CACNA1B: variants seen among roughly 807,000 people sequenced by gnomAD.
CACNA1B encodes calcium voltage-gated channel subunit alpha1 B.
Under a neutral mutation model 247.2 loss-of-function variants are expected in CACNA1B, and 70 were observed. That is an observed-to-expected ratio of 0.28 (90% CI 0.23 to 0.35). CACNA1B has a LOEUF of 0.35. Among genes scored for constraint, CACNA1B ranks in the 10% least tolerant of loss-of-function variants. CACNA1B has a pLI of 1.00. For synonymous variants in CACNA1B, 1,231 were observed against 1,294.4 expected, an observed-to-expected ratio of 0.95 and a Z score of 1.05; for missense variants, 2,367 against 3,197.4, an observed-to-expected ratio of 0.74 and a Z score of 6.26.
Position 137,881,655 on chromosome 9 carries a change from G to C in CACNA1B, c.391-1089G>C, listed in dbSNP as rs1358609485. Among the ~76,000 whole-genome samples the C allele has an allele frequency of 1.3e-5, 2 of 152,178 alleles. No homozygotes were observed. Among genetic ancestry groups the C allele is most frequent in the Admixed American group, 1.3e-4 (2 of 15,284 alleles). ...TGCAGCTCCCTCAGCCCAGCTTCCC[G>C]GGCTTGCCTTGCACAGGGCCTTTCC... On this transcript the variant is annotated intron_variant, in intron 2 of 46. Transcript: ENST00000371372. This position sits in a 1 kb window ranked among gnomAD's most constrained non-coding sequence, Gnocchi z 4.3.
At chr9:138,074,675 G>C (rs545754596) in intron 34 of CACNA1B, among the ~76,000 whole-genome samples, 1 of 152,264 alleles carries the variant, frequency 6.6e-6, no homozygotes, top group Non-Finnish European at 1.5e-5. Context: ...TCAACAGGTG[G>C]ATGCACCGTG....
At chr9:137,930,852 C>T (rs1274669113) in intron 6 of CACNA1B, among the ~76,000 whole-genome samples, 4 of 151,762 alleles carry the variant, frequency 2.6e-5, no homozygotes, top group Admixed American at 6.6e-5. Flanking sequence ...CCCTGTGTCT[C>T]GGGTAATTTT....
Position 137,888,306 on chromosome 9 carries a change from C to T in CACNA1B, c.530+5423C>T, listed in dbSNP as rs1400096781. 6.6e-6 allele frequency among the ~76,000 whole-genome samples: 1 copy of T among 151,874 alleles called. No homozygotes were observed. The highest frequency in any genetic ancestry group is 6.5e-5 in the Admixed American group (1 of 15,274). On this transcript the variant is annotated intron_variant, in intron 3 of 46. Coordinates refer to ENST00000371372, the MANE Select transcript of CACNA1B (RefSeq NM_000718.4). The surrounding 1 kb of genome is among the most constrained non-coding windows in gnomAD (Gnocchi z 4.7). ...CCCTTCCGTGCCCCAGCCAGTCTCA[C>T]GTGCATCCACGCTCCCAGTCCTGTC... is the stretch of plus-strand genomic sequence containing the variant.
intron 3 of CACNA1B, among the ~76,000 whole-genome samples, chr9:137,897,528 C>T (rs537754356): frequency 3.3e-5 from 5 of 152,062 alleles, no homozygotes; most frequent in South Asian, 2.1e-4. Context: ...TGCGATGAGC[C>T]GAGATCGTGC....
rs201551065 is a variant in CACNA1B, at chr9:137,984,264, G to A, written c.1769+14G>A. The A allele has an allele frequency of 1.1e-5, 17 of 1,539,262 alleles. No homozygotes were observed. The South Asian group carries it at 1.2e-4, about 11-fold the overall frequency. On this transcript the variant is annotated intron_variant, in intron 13 of 46. Transcript: ENST00000371372. ...CAAAGTCACGAAGTACGTCCCCTGC[G>A]CTCCCAGGCGAGGGCAGGTGTAGGG...
chr9:138,101,229 A>G (rs766882189), intron 37 of CACNA1B: 3 of 518,182 alleles, frequency 5.8e-6, no homozygotes, highest in Non-Finnish European at 1.2e-5. Flanking sequence ...TCCATCCAAC[A>G]TACTTCCCTG....
intron 12 of CACNA1B, among the ~76,000 whole-genome samples, chr9:137,977,754 T>TC (rs1352674114): frequency 6.6e-6 from 1 of 152,058 alleles, no homozygotes; most frequent in Non-Finnish European, 1.5e-5. Context: ...AAGTACTCCC[T>TC]CCAAGTCTTT....
In CACNA1B at chr9:138,118,745, C is replaced by G; in HGVS notation, c.6007C>G (p.Pro2003Ala). The change falls in exon 44 of 47, where the codon CCC becomes GCC. Residue 2003 changes from proline to alanine, a missense_variant. Pro to Ala is a conservative substitution (Grantham distance 27). Around this residue, in one of 12 missense-constraint regions of CACNA1B, gnomAD observed 773 missense variants for 779.4 expected, o/e 0.99. Coordinates refer to ENST00000371372, the MANE Select transcript of CACNA1B (RefSeq NM_000718.4). The part of the protein sequence containing the change: ...LESQGRAASM[P>A]RLAAETQPVT... ...GAGCCAGGGTCGAGCGGCCTCCATG[C>G]CCCGCCTTGCGGCCGAGACTCAGGT... The G allele has an allele frequency of 6.5e-7, 1 of 1,529,480 alleles. No homozygotes were observed. The highest frequency in any genetic ancestry group is 8.8e-7 in the Non-Finnish European group (1 of 1,131,428). The allele number at this position is 1,529,480 out of a possible 1,614,324, so 94.7% of individuals were successfully genotyped here. A position where few individuals can be genotyped will look rare whatever the true frequency, so the allele number is the denominator to read the frequency against.
chr9:138,076,615 C>T (rs112397027), intron 35 of CACNA1B, among the ~76,000 whole-genome samples: 26 of 152,226 alleles, frequency 1.7e-4, no homozygotes, highest in African/African-American at 4.3e-4. Flanking sequence ...TGTTCCTGGG[C>T]GCGGAACAGG....
intron 35 of CACNA1B, among the ~76,000 whole-genome samples, 181 bp from the exon 36 acceptor site, chr9:138,077,933 A>C (rs1253257898): frequency 6.6e-6 from 1 of 152,226 alleles, no homozygotes; most frequent in East Asian, 1.9e-4. Flanking sequence ...ATTAATGCTC[A>C]GTTTGGAAAT....
chr9:138,121,978 T>C lies in CACNA1B; in HGVS notation c.6999T>C (p.Pro2333=). 6.2e-7 allele frequency: 1 copy of C among 1,600,588 alleles called. No homozygotes were observed. Among genetic ancestry groups the C allele is most frequent in the Non-Finnish European group, 8.5e-7 (1 of 1,179,542 alleles). ...GGRARHSYHH[P]DQDHWC is the part of the protein sequence containing the mutation. ...GAGCACGGCACAGCTACCACCACCCTGACCAAGACCACTGGTGCTAGCTGC... is the reference window on the plus strand; with the variant it reads ...GAGCACGGCACAGCTACCACCACCCCGACCAAGACCACTGGTGCTAGCTGC... The change falls in exon 47 of 47, where the codon CCT becomes CCC. Residue 2333 remains proline, a synonymous_variant. Transcript: ENST00000371372. The surrounding 1 kb of genome is among the most constrained non-coding windows in gnomAD (Gnocchi z 6.8).
chr9:138,083,950 A>G (rs1020534973), intron 36 of CACNA1B, among the ~76,000 whole-genome samples: 27 of 150,780 alleles, frequency 1.8e-4, no homozygotes, highest in Non-Finnish European at 2.9e-5. Context: ...CCAAGATGCC[A>G]CTAACCCCTA....
At position 138,009,335 on chromosome 9, in the gene CACNA1B, C is replaced by T. The variant is rs189311480; in HGVS notation, c.2093-675C>T. 2.8e-3 allele frequency among the ~76,000 whole-genome samples: 434 copies of T among 152,348 alleles called. 4 individuals carry two copies. Among genetic ancestry groups the T allele is most frequent in the African/African-American group, 9.5e-3 (396 of 41,564 alleles). On this transcript the variant is annotated intron_variant, in intron 16 of 46. Transcript: ENST00000371372. Reference sequence around the variant, plus strand: ...CAGATCATGCCATCTGCCGTCTCCACGGCCTGACGTGAGTCCTGCAATCTA... The same window carrying T: ...CAGATCATGCCATCTGCCGTCTCCATGGCCTGACGTGAGTCCTGCAATCTA...
At position 138,108,727 on chromosome 9, in the gene CACNA1B, C is replaced by G. The variant is rs576616073; in HGVS notation, c.5428+2920C>G. Reference sequence around the variant, plus strand: ...GCAGTGGCACGATCTTGGCTCACTACAAGCTCTGCCTCCTGGGTTCACGCC... The same window carrying G: ...GCAGTGGCACGATCTTGGCTCACTAGAAGCTCTGCCTCCTGGGTTCACGCC... On this transcript the variant is annotated intron_variant, in intron 39 of 46. Transcript: ENST00000371372. 3.9e-5 allele frequency among the ~76,000 whole-genome samples: 6 copies of G among 152,112 alleles called. No homozygotes were observed. In the South Asian group the frequency reaches 1.2e-3, roughly 32 times the overall value.
chr9:137,967,493 G>A (rs960508677), intron 10 of CACNA1B, among the ~76,000 whole-genome samples: 1 of 152,134 alleles, frequency 6.6e-6, no homozygotes, highest in African/African-American at 2.4e-5. Flanking sequence ...GTTTACCTTA[G>A]CATCTTCTCT....
intron 15 of CACNA1B, among the ~76,000 whole-genome samples, chr9:137,995,882 C>T (rs1254074770): frequency 2.0e-5 from 3 of 152,112 alleles, no homozygotes; most frequent in East Asian, 1.9e-4. Context: ...AGACAGTTCT[C>T]GAAAGAAGAT....
intron 6 of CACNA1B, among the ~76,000 whole-genome samples, chr9:137,930,363 A>G (rs761004151): frequency 6.6e-6 from 1 of 152,168 alleles, no homozygotes; most frequent in Non-Finnish European, 1.5e-5. Context: ...AGATTATTAT[A>G]TAGAACTGTC....
Position 138,059,433 on chromosome 9 carries a change from T to A in CACNA1B, c.4585-221T>A, listed in dbSNP as rs948035281. 5.3e-5 allele frequency among the ~76,000 whole-genome samples: 8 copies of A among 152,164 alleles called. No individual in the cohort carries two copies. The highest frequency in any genetic ancestry group is 1.3e-4 in the Admixed American group (2 of 15,284). Reference sequence around the variant, plus strand: ...TTCTTCCTCTTTGGACACATGGCTCTTAGTCCTGCCTCTGCCCAGGCCCAG... The same window carrying A: ...TTCTTCCTCTTTGGACACATGGCTCATAGTCCTGCCTCTGCCCAGGCCCAG... On this transcript the variant is annotated intron_variant, in intron 30 of 46. Coordinates refer to ENST00000371372, the MANE Select transcript of CACNA1B (RefSeq NM_000718.4). The surrounding 1 kb of genome is among the most constrained non-coding windows in gnomAD (Gnocchi z 4.2).
intron 10 of CACNA1B, among the ~76,000 whole-genome samples, chr9:137,959,273 G>C (rs573326415): frequency 1.3e-5 from 2 of 152,146 alleles, no homozygotes; most frequent in Admixed American, 6.5e-5. Flanking sequence ...GGGTTTCACC[G>C]TGTTGGCCTG....
Sources: allele counts gnomAD v4.1 joint callset (sites outside exome capture counted in the v4.1 genomes callset), GRCh38; gene constraint gnomAD v4.1.1; regional missense constraint gnomAD v4.1.1; non-coding constraint Gnocchi (gnomAD v3.1); transcripts MANE v1.5; gene names NCBI Gene and HGNC (gene_info 2026-07-23, HGNC 2026-07-21).